Variants in PBRM1 observed in about 807,000 individuals in gnomAD.
PBRM1 encodes polybromo 1, also known as protein polybromo-1.
A neutral mutation model predicts 194.5 loss-of-function variants in PBRM1; 27 were observed. That is an observed-to-expected ratio of 0.14 (90% confidence interval 0.10 to 0.19). PBRM1 has a LOEUF of 0.19. Among genes scored for constraint, PBRM1 ranks in the 10% least tolerant of loss-of-function variants. The pLI is 1.00. For missense variants in PBRM1, 1,466 were observed against 2,077.2 expected (o/e 0.71, Z 5.72); for synonymous variants, 655 against 693.2 (o/e 0.94, Z 0.87).
chr3:52,677,130 T>C (rs537411214), intron 2 of PBRM1, among the ~76,000 whole-genome samples: 71 of 152,264 alleles, frequency 4.7e-4, no homozygotes, highest in African/African-American at 1.1e-3. Flanking sequence ...AAAAGCTTCA[T>C]GATATTGGAT....
chr3:52,617,347 T>C, exon 14 of PBRM1: 1 of 1,613,866 alleles, frequency 6.2e-7, no homozygotes, highest in Non-Finnish European at 8.5e-7. Context: ...AGCATATTTG[T>C]CATTGCGGAT....
In PBRM1 at chr3:52,554,718, T is replaced by C; in HGVS notation, c.4609+6A>G. ...ATTAATGAGTGAATGAGGATGAAGT[T>C]CTTACCCGGTGGTGGGATGCCCGGG... On this transcript the variant is annotated splice_donor_region_variant and intron_variant, in intron 27 of 29. Transcript: ENST00000296302. 1 of 1,548,848 alleles carries C rather than the reference T, an allele frequency of 6.5e-7. No individual in the cohort carries two copies. The highest frequency in any genetic ancestry group is 8.7e-7 in the Non-Finnish European group (1 of 1,155,146).
downstream of PBRM1, chr3:52,545,999 G>A (rs767106356): frequency 2.1e-5 from 5 of 233,004 alleles, no homozygotes; most frequent in Non-Finnish European, 3.4e-5. Flanking sequence ...GTCTAGTGAT[G>A]CCCTGGGCCG....
rs117999042 is a variant in PBRM1 at position 52,676,787 on chromosome 3, G to C, written c.236+1713C>G. The stretch of plus-strand genomic sequence containing the variant: ...CTTGAATGGCTTTGACCAAAAGCCT[G>C]ATAACAATACGGACAATAAGGTCCA... On this transcript the variant is annotated intron_variant, in intron 2 of 29. Transcript: ENST00000296302. Among the ~76,000 whole-genome samples the C allele has an allele frequency of 1.6e-3, 251 of 152,328 alleles. 7 individuals carry two copies. The East Asian group carries it at 0.038, about 23-fold the overall frequency.
At chr3:52,586,737 T>C (rs1214846771) in intron 19 of PBRM1, 49 bp from the exon 22 acceptor site, 2 of 499,250 alleles carry the variant, frequency 4.0e-6, no homozygotes, top group Non-Finnish European at 2.8e-6. Flanking sequence ...GTGAATTTTC[T>C]GAAAATCAAT....
At chr3:52,592,394 A>G (rs1272952167) in intron 17 of PBRM1, among the ~76,000 whole-genome samples, 1 of 152,002 alleles carries the variant, frequency 6.6e-6, no homozygotes, top group Non-Finnish European at 1.5e-5. Flanking sequence ...GGCCTACCAA[A>G]GTGCTGGGAT....
chr3:52,651,113 C>T lies in PBRM1; in HGVS notation c.714+629G>A, dbSNP rs371117519. Among the ~76,000 whole-genome samples the T allele has an allele frequency of 3.9e-5, 6 of 152,296 alleles. No homozygotes were observed. The South Asian group carries it at 1.2e-3, about 32-fold the overall frequency. ...TTGTAAAATGGGAATAATAACAATA[C>T]TACTCTGTGGAGTTTTAAGAATTAA... is the stretch of plus-strand genomic sequence containing the variant. On this transcript the variant is annotated intron_variant, in intron 6 of 29. Coordinates refer to ENST00000296302, the Ensembl canonical transcript of PBRM1.
At chr3:52,585,352 T>C (rs2153745469) in intron 20 of PBRM1, 1 of 152,246 alleles carries the variant, frequency 6.6e-6, no homozygotes, top group South Asian at 2.1e-4. Flanking sequence ...TCAGTACTCT[T>C]TGGGGTCAGT....
At chr3:52,591,160 G>A (rs2092992659) in intron 17 of PBRM1, among the ~76,000 whole-genome samples, 1 of 152,172 alleles carries the variant, frequency 6.6e-6, no homozygotes, top group Non-Finnish European at 1.5e-5. Context: ...CTTTTGGGCT[G>A]AGACTATGGG....
chr3:52,599,778 T>C (rs1430499578), intron 17 of PBRM1, among the ~76,000 whole-genome samples: 1 of 150,844 alleles, frequency 6.6e-6, no homozygotes, highest in African/African-American at 2.4e-5. Flanking sequence ...TGCAGTGAAC[T>C]GAGATCACGC....
chr3:52,666,019 T>C (rs2096826690), intron 3 of PBRM1, among the ~76,000 whole-genome samples: 1 of 152,160 alleles, frequency 6.6e-6, no homozygotes. Flanking sequence ...AGATTATCTA[T>C]AGATGTTACA....
chr3:52,586,748 CAAAAAAA>C (rs35352950), intron 19 of PBRM1, 60 bp from the exon 22 acceptor site: 10 of 183,890 alleles, frequency 5.4e-5, no homozygotes, highest in Middle Eastern at 3.5e-3. Flanking sequence ...GAAAATCAAT[CAAAAAAA>C]AAAAAAAAAA....
chr3:52,619,642 A>G (rs908935188), intron 13 of PBRM1, among the ~76,000 whole-genome samples: 2 of 152,156 alleles, frequency 1.3e-5, no homozygotes, highest in East Asian at 1.9e-4. Flanking sequence ...CAGGCAAACT[A>G]TATGTGGCTG....
chr3:52,620,469 C>T (rs1024056243), intron 13 of PBRM1, among the ~76,000 whole-genome samples: 5 of 152,198 alleles, frequency 3.3e-5, no homozygotes, highest in Admixed American at 2.6e-4. Context: ...GAGGTGCTCA[C>T]CCCATTCCCA....
chr3:52,654,834 TTGGAG>T (rs2096576905), intron 5 of PBRM1, among the ~76,000 whole-genome samples: 1 of 152,028 alleles, frequency 6.6e-6, no homozygotes, highest in African/African-American at 2.4e-5. Context: ...GTTGCCTAGG[TTGGAG>T]TGAAGTGGCA....
chr3:52,637,146 G>T (rs554720428), intron 10 of PBRM1, among the ~76,000 whole-genome samples: 19 of 152,154 alleles, frequency 1.2e-4, no homozygotes, highest in South Asian at 2.1e-4. Context: ...TTACACCTAG[G>T]TATATATTTT....
chr3:52,586,486 T>C (rs377485917), exon 20 of PBRM1: 30 of 1,614,038 alleles, frequency 1.9e-5, no homozygotes, highest in South Asian at 3.3e-5. Flanking sequence ...ATTCTTCTCA[T>C]CATCACCTTT....
At chr3:52,677,704 C>T (rs370730748) in intron 2 of PBRM1, among the ~76,000 whole-genome samples, 9 of 152,056 alleles carry the variant, frequency 5.9e-5, no homozygotes, top group South Asian at 4.2e-4. Flanking sequence ...TGAGCCATTG[C>T]GCCCAGCCTT....
At chr3:52,661,094 C>T (rs1026005618) in intron 4 of PBRM1, among the ~76,000 whole-genome samples, 13 of 152,062 alleles carry the variant, frequency 8.5e-5, no homozygotes, top group South Asian at 4.1e-4. Context: ...GGCGCCATCT[C>T]GGCTCACTGC....
Sources: gnomAD v4.1 joint callset for allele counts (sites outside exome capture counted in the v4.1 genomes callset) on GRCh38, gnomAD v4.1.1 for gene constraint, MANE v1.5 for transcripts, NCBI Gene and HGNC (gene_info 2026-07-23, HGNC 2026-07-21) for gene names.